The following NUP210 variants were observed in gnomAD, a reference collection of about 807,000 sequenced individuals.
NUP210 encodes nuclear pore membrane glycoprotein 210.
In NUP210, 151 loss-of-function variants were observed where a neutral mutation model predicts 196.0. That is an observed-to-expected ratio of 0.77 (90% CI 0.67 to 0.88). NUP210 has a LOEUF of 0.88. Ranked by LOEUF, NUP210 falls within the 40% of genes least tolerant of loss-of-function variation. The pLI is 0.00. For missense variants in NUP210, 2,314 were observed against 2,493.7 expected (o/e 0.93, Z 1.53); for synonymous variants, 1,070 against 1,052.7 (o/e 1.02, Z -0.32).
Position 13,339,848 on chromosome 3 carries a change from T to C in NUP210, c.3471+6A>G. 6.2e-7 allele frequency: 1 copy of C among 1,610,926 alleles called. No individual in the cohort carries two copies. The highest frequency in any genetic ancestry group is 8.5e-7 in the Non-Finnish European group (1 of 1,178,302). On this transcript the variant is annotated splice_donor_region_variant and intron_variant, in intron 25 of 39. Transcript: ENST00000254508. ...GCTGCCCAGTCTCCAATAGCACGCC[T>C]GTTACCTGAGAGATGATGACCACCT...
rs1326932264 is a variant in NUP210, at chr3:13,321,674, CG to C, written c.5076del (p.Phe1692LeufsTer9). The C allele has an allele frequency of 2.5e-6, 4 of 1,613,932 alleles. No homozygotes were observed. The highest frequency in any genetic ancestry group is 2.5e-6 in the Non-Finnish European group (3 of 1,180,012). ...CTCAAAAGGATTTCAGCCTGGTCGG[CG>C]AAGAGACCTGGGCTGAAGGGCACCT... Reference protein sequence around the residue: ...GAEVPFSPGLFADQAEILLSN... With the variant: ...GAEVPFSPGLXADQAEILLSN... On this transcript the variant is annotated frameshift_variant, in exon 36 of 40. Coordinates refer to ENST00000254508, the MANE Select transcript of NUP210 (RefSeq NM_024923.4). LOFTEE classifies it high-confidence loss of function.
chr3:13,378,836 GCTT>G (rs1228177370), intron 8 of NUP210, 73 bp downstream of exon 8: 7 of 1,107,886 alleles, frequency 6.3e-6, no homozygotes, highest in Non-Finnish European at 9.7e-6. Flanking sequence ...TGGAGCTATT[GCTT>G]CTTTTCTATT....
intron 28 of NUP210, among the ~76,000 whole-genome samples, chr3:13,333,233 G>T (rs1697072195): frequency 6.6e-6 from 1 of 152,204 alleles, no homozygotes; most frequent in African/African-American, 2.4e-5. Context: ...GGGAACTCCA[G>T]GCCCCTTCTC....
chr3:13,318,952 C>T (rs1452093202), intron 39 of NUP210, 120 bp downstream of exon 39: 3 of 947,160 alleles, frequency 3.2e-6, no homozygotes, highest in Non-Finnish European at 4.7e-6. Flanking sequence ...GGGCCTCAGG[C>T]TCCTTTGGCC....
Position 13,377,458 on chromosome 3 carries a change from C to G in NUP210, c.1150G>C (p.Asp384His). The G allele has an allele frequency of 6.2e-7, 1 of 1,610,672 alleles. No homozygotes were observed. Among genetic ancestry groups the G allele is most frequent in the African/African-American group, 1.3e-5 (1 of 74,962 alleles). ...DKFSNKVYVS[D>H]NIRIETVLPA... is the part of the protein sequence containing the mutation. ...CCAGGACCTGAACAGGCACTCACGT[C>G]AGATACATAGACCTTGTTGCTGAAC... Residue 384 changes from aspartate to histidine, a missense_variant and splice_region_variant, in exon 9 of 40, where the codon GAC (aspartate) becomes CAC (histidine). Transcript: ENST00000254508.
chr3:13,351,702 T>C (rs1697979046), intron 20 of NUP210, 177 bp downstream of exon 20: 1 of 586,674 alleles, frequency 1.7e-6, no homozygotes, highest in South Asian at 2.1e-5. Flanking sequence ...CTCACTATAT[T>C]GTCCAGGCTG....
chr3:13,365,861 A>G, intron 14 of NUP210, 85 bp downstream of exon 14: 1 of 1,433,058 alleles, frequency 7.0e-7, no homozygotes, highest in East Asian at 2.3e-5. Flanking sequence ...CGGGTTTATC[A>G]TGCAAATTCG....
chr3:13,375,929 T>A (rs1175927154), intron 10 of NUP210, among the ~76,000 whole-genome samples: 3 of 152,182 alleles, frequency 2.0e-5, no homozygotes, highest in African/African-American at 7.2e-5. Flanking sequence ...GCTTGAGAGC[T>A]AAAGCAGCCC....
At chr3:13,326,490 T>C (rs1040762996) in intron 32 of NUP210, among the ~76,000 whole-genome samples, 1 of 152,240 alleles carries the variant, frequency 6.6e-6, no homozygotes, top group African/African-American at 2.4e-5. Context: ...ATATTTGTTT[T>C]TCCTTAAAGG....
In NUP210 at chr3:13,336,913, G is replaced by A. The variant is rs1697239335; in HGVS notation, c.3558C>T (p.Pro1186=). The A allele has an allele frequency of 6.2e-7, 1 of 1,613,222 alleles. No individual in the cohort carries two copies. Among genetic ancestry groups the A allele is most frequent in the Admixed American group, 1.7e-5 (1 of 59,970 alleles). ...IMRMRTGTQM[P]IYVTGITNHQ... is the part of the protein sequence containing the mutation. Reference sequence around the variant, plus strand: ...GGTTGGTGATGCCGGTGACATAGATGGGCATCTGCAGGGGAGAAGTCAGGC... The same window carrying A: ...GGTTGGTGATGCCGGTGACATAGATAGGCATCTGCAGGGGAGAAGTCAGGC... The change falls in exon 27 of 40, where the codon CCC becomes CCT. Residue 1186 remains proline, a synonymous_variant. Transcript: ENST00000254508.
chr3:13,359,874 G>GTTTTTTGTGT (rs1698311125), intron 15 of NUP210, among the ~76,000 whole-genome samples: 2 of 152,224 alleles, frequency 1.3e-5, no homozygotes, highest in Non-Finnish European at 2.9e-5. Context: ...GTGATTTCCA[G>GTTTTTTGTGT]GTTATCCTCA....
chr3:13,341,060 G>A (rs779445732), intron 23 of NUP210: 1 of 152,298 alleles, frequency 6.6e-6, no homozygotes, highest in African/African-American at 2.4e-5. Context: ...ACAGATTAAT[G>A]ACGCTCACCA....
chr3:13,385,242 T>G (rs1436782468), intron 6 of NUP210, among the ~76,000 whole-genome samples: 4 of 152,180 alleles, frequency 2.6e-5, no homozygotes, highest in Non-Finnish European at 5.9e-5. Context: ...GCTCTTATGC[T>G]GAAGTGTGTA....
In NUP210 at chr3:13,348,589, G is replaced by C. The variant is rs1697841794; in HGVS notation, c.2835+3290C>G. 1.0e-6 allele frequency: 1 copy of C among 985,190 alleles called. No homozygotes were observed. Among genetic ancestry groups the C allele is most frequent in the South Asian group, 4.7e-5 (1 of 21,286 alleles). The allele number at this position is 985,190 out of a possible 1,614,324, so 61.0% of individuals were successfully genotyped here. On this transcript the variant is annotated intron_variant, in intron 20 of 39. Transcript: ENST00000254508. The surrounding 1 kb of genome is among the most constrained non-coding windows in gnomAD (Gnocchi z 4.0). ...ATGTAAGATTCTCTTCACTCGCATG[G>C]CTGGAGGAAGAGCTGGGGAATTGTT... is the stretch of plus-strand genomic sequence containing the variant.
chr3:13,332,164 C>G (rs1697021903), intron 29 of NUP210, 129 bp downstream of exon 29: 2 of 712,910 alleles, frequency 2.8e-6, no homozygotes, highest in Non-Finnish European at 5.1e-6. Flanking sequence ...AGAGGCCTCA[C>G]CCATTCCAAG....
intron 1 of NUP210, among the ~76,000 whole-genome samples, chr3:13,418,803 A>C (rs900725492): frequency 6.6e-6 from 1 of 151,616 alleles, no homozygotes; most frequent in Non-Finnish European, 1.5e-5. Context: ...ACAAACAAAC[A>C]AACAAACAAA....
At chr3:13,388,505 T>G in intron 4 of NUP210, 52 bp from the exon 5 acceptor site, 2 of 1,544,184 alleles carry the variant, frequency 1.3e-6, no homozygotes, top group Non-Finnish European at 1.7e-6. Context: ...CAACACAAGA[T>G]TTGTCAGAAT....
In NUP210 at chr3:13,392,355, G is replaced by C. The variant is rs186259251; in HGVS notation, c.437-1048C>G. Among the ~76,000 whole-genome samples, 445 of 152,282 alleles carry C rather than the reference G, an allele frequency of 2.9e-3. 3 individuals carry two copies. Among genetic ancestry groups the C allele is most frequent in the African/African-American group, 0.01 (418 of 41,538 alleles). On this transcript the variant is annotated intron_variant, in intron 3 of 39. Transcript: ENST00000254508. ...GAGGCATCTTCTTACAGTTCCCTGG[G>C]TGTCTTTCCGTCAATGTGAGCAACT...
intron 21 of NUP210, 31 bp from the exon 22 acceptor site, chr3:13,342,154 G>A: frequency 6.2e-7 from 1 of 1,612,684 alleles, no homozygotes; most frequent in Non-Finnish European, 8.5e-7. Context: ...TTCAGGGGCA[G>A]CCTCCAAAAG....
Sources: gnomAD v4.1 joint callset for allele counts (sites outside exome capture counted in the v4.1 genomes callset) on GRCh38, gnomAD v4.1.1 for gene constraint, Gnocchi (gnomAD v3.1) non-coding constraint, MANE v1.5 for transcripts, NCBI Gene and HGNC (gene_info 2026-07-23, HGNC 2026-07-21) for gene names.